The following SLC43A2 variants were observed in gnomAD, a reference collection of about 807,000 sequenced individuals.
The protein encoded by SLC43A2 is solute carrier family 43 member 2, also known as large neutral amino acids transporter small subunit 4.
Under a neutral mutation model 63.2 loss-of-function variants are expected in SLC43A2, and 38 were observed. That is an observed-to-expected ratio of 0.60 (90% CI 0.46 to 0.79). The LOEUF (loss-of-function observed/expected upper bound fraction) is 0.79, where lower values mean the gene tolerates loss of function less well. SLC43A2 is among the 30% of genes least tolerant of loss of function. The pLI, the probability that SLC43A2 is intolerant of heterozygous loss-of-function variation, is 0.00. For synonymous variants in SLC43A2, 322 were observed against 331.0 expected (o/e 0.97, Z 0.30); for missense variants, 644 against 756.2 (o/e 0.85, Z 1.74).
At chr17:1,601,791 C>A (rs576177318) in intron 5 of SLC43A2, among the ~76,000 whole-genome samples, 1 of 147,894 alleles carries the variant, frequency 6.8e-6, no homozygotes, top group South Asian at 2.2e-4. Context: ...CTACCCCAGG[C>A]GTGTACCACC....
chr17:1,577,521 G>A lies in SLC43A2; in HGVS notation c.1424+729C>T, dbSNP rs995649647. Among the ~76,000 whole-genome samples, 2 of 152,218 alleles carry A rather than the reference G, an allele frequency of 1.3e-5. No homozygotes were observed. The highest frequency in any genetic ancestry group is 2.4e-5 in the African/African-American group (1 of 41,440). On this transcript the variant is annotated intron_variant, in intron 12 of 13. Transcript: ENST00000301335. This position sits in a 1 kb window ranked among gnomAD's most constrained non-coding sequence, Gnocchi z 4.9. ...CTGGGATTACCCCAGGGGCTGTTGC[G>A]GGAATTGGGAGAGAGTTCCGGGCTA...
chr17:1,623,647 C>T (rs1420551720), intron 2 of SLC43A2, among the ~76,000 whole-genome samples: 1 of 151,554 alleles, frequency 6.6e-6, no homozygotes, highest in East Asian at 1.9e-4. Context: ...AGGCTGTACC[C>T]TCCTCTCCTC....
chr17:1,575,872 G>C (rs1331272516), intron 13 of SLC43A2, 107 bp from the exon 14 acceptor site: 5 of 1,277,586 alleles, frequency 3.9e-6, no homozygotes, highest in Non-Finnish European at 5.3e-6. Context: ...CGGGGTGGAA[G>C]GGGGAACGAA....
chr17:1,585,452 G>C (rs763062523), intron 10 of SLC43A2: 4 of 360,942 alleles, frequency 1.1e-5, no homozygotes, highest in Non-Finnish European at 2.0e-5. Flanking sequence ...TACCACATTG[G>C]CCAGGCTGGT....
At chr17:1,629,679 C>G (rs542620246), upstream of SLC43A2, among the ~76,000 whole-genome samples, 60 of 152,344 alleles carry the variant, frequency 3.9e-4, no homozygotes, top group African/African-American at 1.4e-3. Context: ...TGGGTGCTCC[C>G]TGCCCGCGCT....
At chr17:1,628,014 C>T (rs375703413) in intron 1 of SLC43A2, 94 bp from the exon 2 acceptor site, 4 of 1,172,500 alleles carry the variant, frequency 3.4e-6, no homozygotes, top group South Asian at 7.9e-5. Context: ...CTCGGGATTG[C>T]CACCCCTCCC....
upstream of SLC43A2, among the ~76,000 whole-genome samples, chr17:1,629,758 C>T (rs1032336239): frequency 1.1e-4 from 16 of 152,206 alleles, no homozygotes; most frequent in Non-Finnish European, 2.1e-4. Context: ...CTACGGGCCA[C>T]GTCCGCCAGC....
At chr17:1,607,134 C>CAAT (rs10667483) in intron 5 of SLC43A2, among the ~76,000 whole-genome samples, 3 of 1,538 alleles carry the variant, frequency 2.0e-3, no homozygotes, top group Non-Finnish European at 0.042. Context: ...GCTTCCACAG[C>CAAT]GCCGTCCCCT....
At chr17:1,611,015 A>G (rs1419476679) in intron 5 of SLC43A2, among the ~76,000 whole-genome samples, 1 of 151,752 alleles carries the variant, frequency 6.6e-6, no homozygotes, top group African/African-American at 2.4e-5. Flanking sequence ...TAATTTTTGT[A>G]TATTTTAGTA....
At chr17:1,619,780 A>G (rs1316892140) in intron 2 of SLC43A2, among the ~76,000 whole-genome samples, 1 of 152,266 alleles carries the variant, frequency 6.6e-6, no homozygotes, top group East Asian at 1.9e-4. Flanking sequence ...TGACATGCAG[A>G]TAGGAGCAAA....
intron 5 of SLC43A2, among the ~76,000 whole-genome samples, chr17:1,597,937 G>A (rs1323788167): frequency 6.6e-6 from 1 of 152,252 alleles, no homozygotes; most frequent in Admixed American, 6.5e-5. Flanking sequence ...CTGCCTCCCA[G>A]GTAGGTTGCA....
rs1410335409 is a variant in SLC43A2 at position 1,591,697 on chromosome 17, G to A, written c.597C>T (p.Leu199=). 4.8e-6 allele frequency: 6 copies of A among 1,250,046 alleles called. No homozygotes were observed. The East Asian group carries it at 9.2e-5, about 19-fold the overall frequency. 77.4% of individuals were successfully genotyped at this position (1,250,046 alleles called of 1,614,324 possible). ...SSAVTFPGIK[L]IYDAGVSFIV... ...TGAAGGAGACACCAGCATCATAGATGAGCTGACAGGCACCGCGGGGACGGG... is the reference window on the plus strand; with the variant it reads ...TGAAGGAGACACCAGCATCATAGATAAGCTGACAGGCACCGCGGGGACGGG... The change falls in exon 7 of 14, where the codon CTC becomes CTT. Residue 199 remains leucine (L), a splice_region_variant and synonymous_variant. Transcript: ENST00000301335.
At chr17:1,586,928 T>TGGGCCCCCCCCC in intron 9 of SLC43A2, 614 of 1,229,868 alleles carry the variant, frequency 5.0e-4, no homozygotes, top group Non-Finnish European at 6.3e-4. Flanking sequence ...TCCCTGACAA[T>TGGGCCCCCCCCC]CCCCCCCACC....
chr17:1,602,624 C>T (rs565847402), intron 5 of SLC43A2, among the ~76,000 whole-genome samples: 26 of 151,522 alleles, frequency 1.7e-4, no homozygotes, highest in Admixed American at 1.2e-3. Flanking sequence ...CCAGCCTGGG[C>T]GACAGAGCGA....
At position 1,578,275 on chromosome 17, in the gene SLC43A2, C is replaced by T. The variant is rs751499648; in HGVS notation, c.1399G>A (p.Ala467Thr). ...HTIVRGFIHSAVGGLYAAVYP... is the reference protein window; with the variant it reads ...HTIVRGFIHSTVGGLYAAVYP... The stretch of plus-strand genomic sequence containing the variant: ...ACGGCAGCGTACAGGCCCCCGACAG[C>T]GGAGTGGATGAATCCTCGCACGATT... The change falls in exon 12 of 14, where the codon GCT becomes ACT. Residue 467 changes from alanine (A) to threonine (T), a missense_variant. Physicochemically the swap from Ala to Thr is moderately conservative, Grantham distance 58 (BLOSUM62 0). Transcript: ENST00000301335. This position sits in a 1 kb window ranked among gnomAD's most constrained non-coding sequence, Gnocchi z 6.5. 3.7e-6 allele frequency: 6 copies of T among 1,613,858 alleles called. No individual in the cohort carries two copies. The highest frequency in any genetic ancestry group is 2.7e-5 in the African/African-American group (2 of 74,894).
At position 1,577,179 on chromosome 17, in the gene SLC43A2, G is replaced by A. The variant is rs948696211; in HGVS notation, c.1425-459C>T. Among the ~76,000 whole-genome samples the A allele has an allele frequency of 6.6e-6, 1 of 152,158 alleles. No individual in the cohort carries two copies. The highest frequency in any genetic ancestry group is 1.5e-5 in the Non-Finnish European group (1 of 68,038). ...GCGCCCGGCCCTGCTGGGTGGTTCT[G>A]CAAAGTGTTTCTCTTTGGACCAGCT... is the stretch of plus-strand genomic sequence containing the variant. On this transcript the variant is annotated intron_variant, in intron 12 of 13. Transcript: ENST00000301335. The surrounding 1 kb of genome is among the most constrained non-coding windows in gnomAD (Gnocchi z 4.9).
intron 10 of SLC43A2, chr17:1,585,366 T>G (rs1318824242): frequency 2.1e-6 from 1 of 482,404 alleles, no homozygotes; most frequent in African/African-American, 2.0e-5. Context: ...CTCAGCCTCC[T>G]GAGTAGCTGG....
chr17:1,613,020 G>A (rs149268142), intron 5 of SLC43A2, among the ~76,000 whole-genome samples, 175 bp downstream of exon 5: 2,278 of 151,126 alleles, frequency 0.015, 21 homozygotes, highest in Middle Eastern at 0.031. Flanking sequence ...CCTGCTGCCT[G>A]TGGACCTCAG....
At chr17:1,629,785 G>A (rs1042199676), upstream of SLC43A2, among the ~76,000 whole-genome samples, 1 of 152,198 alleles carries the variant, frequency 6.6e-6, no homozygotes. Flanking sequence ...AAGCTAGGGA[G>A]GGTTCGAGGG....
Sources: allele counts gnomAD v4.1 joint callset (sites outside exome capture counted in the v4.1 genomes callset), GRCh38; gene constraint gnomAD v4.1.1; non-coding constraint Gnocchi (gnomAD v3.1); transcripts MANE v1.5; gene names NCBI Gene and HGNC (gene_info 2026-07-23, HGNC 2026-07-21).